The following MLXIP variants were observed in gnomAD, a reference collection of about 807,000 sequenced individuals.
MLXIP encodes MLX-interacting protein.
Under a neutral mutation model 87.2 loss-of-function variants are expected in MLXIP, and 30 were observed. That is an observed-to-expected ratio of 0.34 (90% CI 0.26 to 0.47). The LOEUF is 0.47. MLXIP is among the 20% of genes least tolerant of loss of function. The pLI, the probability that MLXIP is intolerant of heterozygous loss-of-function variation, is 1.00. For missense variants in MLXIP, 1,002 were observed against 1,240.1 expected (o/e 0.81, Z 2.88); for synonymous variants, 530 against 514.0 (o/e 1.03, Z -0.42).
intron 1 of MLXIP, among the ~76,000 whole-genome samples, chr12:122,126,285 T>A (rs1952879840): frequency 6.6e-6 from 1 of 152,164 alleles, no homozygotes; most frequent in Non-Finnish European, 1.5e-5. Flanking sequence ...CCAAACGTCC[T>A]CCCTAGAGGA....
rs147189022 is a variant in MLXIP, at chr12:122,138,541, G to A, written c.2374G>A (p.Ala792Thr). 29 of 1,611,922 alleles carry A rather than the reference G, an allele frequency of 1.8e-5. No individual in the cohort carries two copies. The highest frequency in any genetic ancestry group is 1.7e-4 in the Middle Eastern group (1 of 5,730). Residue 792 changes from alanine to threonine, a missense_variant, in exon 14 of 17, where the codon GCC becomes ACC. Physicochemically the swap from Ala to Thr is moderately conservative, Grantham distance 58. This residue lies in a region of MLXIP where 746 missense variants were observed against 897.0 expected (regional missense o/e 0.83). Coordinates refer to ENST00000319080, the MANE Select transcript of MLXIP (RefSeq NM_014938.6). ...GCGGGAGGAGATCGAGGAGCTCAAT[G>A]CCACCATCATGTGAGCTTCTGGGCC... Reference protein sequence around the residue: ...RLREEIEELNATIISCQQLLP... With the variant: ...RLREEIEELNTTIISCQQLLP...
chr12:122,130,100 C>G lies in MLXIP; in HGVS notation c.898C>G (p.Pro300Ala), dbSNP rs778814598. The change falls in exon 6 of 17, where the codon CCC becomes GCC. Residue 300 changes from proline to alanine, a missense_variant. Coordinates refer to ENST00000319080, the MANE Select transcript of MLXIP (RefSeq NM_014938.6). Reference protein sequence around the residue: ...SSHQPVAWPNPREIAHLGNAD... With the variant: ...SSHQPVAWPNAREIAHLGNAD... ...ACACCAGCCGGTGGCCTGGCCCAAT[C>G]CCCGGGAAATAGGTAACCCAAACCA... 33 of 1,613,434 alleles carry G rather than the reference C, an allele frequency of 2.0e-5. No individual in the cohort carries two copies. Among genetic ancestry groups the G allele is most frequent in the Non-Finnish European group, 5.9e-6 (7 of 1,179,704 alleles).
chr12:122,139,932 C>T (rs1009679125), intron 15 of MLXIP, among the ~76,000 whole-genome samples: 1 of 152,200 alleles, frequency 6.6e-6, no homozygotes, highest in Non-Finnish European at 1.5e-5. Context: ...CCTTGGCCTC[C>T]CAAAGTGCTG....
chr12:122,134,205 G>GA (rs1953039842), intron 9 of MLXIP: 1 of 470,026 alleles, frequency 2.1e-6, no homozygotes, highest in South Asian at 3.6e-5. Flanking sequence ...TTTTTGTTTG[G>GA]TTTTTTTTTT....
rs1952666951 is a variant in MLXIP, at chr12:122,114,981, A to T, written c.414-12275A>T. Among the ~76,000 whole-genome samples the T allele has an allele frequency of 2.0e-5, 3 of 151,726 alleles. No individual in the cohort carries two copies. In the South Asian group the frequency reaches 6.3e-4, roughly 32 times the overall value. On this transcript the variant is annotated intron_variant, in intron 1 of 16. Transcript: ENST00000319080. ...AGGCTGGTCTTGAACTCCTGACCTCAAATGATCCACCTGCCTCAGCCTCCC... is the reference window on the plus strand; with the variant it reads ...AGGCTGGTCTTGAACTCCTGACCTCTAATGATCCACCTGCCTCAGCCTCCC...
chr12:122,090,559 C>G (rs750886679), intron 1 of MLXIP, among the ~76,000 whole-genome samples: 1 of 151,578 alleles, frequency 6.6e-6, no homozygotes, highest in Non-Finnish European at 1.5e-5. Flanking sequence ...GGAGAAATGG[C>G]TTAGTAGTTA....
At chr12:122,129,321 G>A (rs991484701) in intron 4 of MLXIP, 95 bp downstream of exon 4, 43 of 1,153,310 alleles carry the variant, frequency 3.7e-5, no homozygotes, top group Non-Finnish European at 5.1e-5. Flanking sequence ...CTCCACAGCC[G>A]CCCCACCTGA....
chr12:122,116,650 C>T (rs1593090886), intron 1 of MLXIP, among the ~76,000 whole-genome samples: 1 of 152,196 alleles, frequency 6.6e-6, no homozygotes, highest in African/African-American at 2.4e-5. Context: ...CCTGAAAGTC[C>T]ACTTATGGCT....
intron 1 of MLXIP, among the ~76,000 whole-genome samples, chr12:122,106,985 T>C (rs1593079412): frequency 6.6e-6 from 1 of 152,132 alleles, no homozygotes; most frequent in Non-Finnish European, 1.5e-5. Context: ...AGCTTCCGGG[T>C]GCAGGACTCC....
At chr12:122,138,590 A>AC (rs773333064) in intron 14 of MLXIP, 39 bp downstream of exon 14, 1 of 1,585,816 alleles carries the variant, frequency 6.3e-7, no homozygotes, top group South Asian at 1.1e-5. Context: ...CAGGCACCCC[A>AC]TCCCGATGCA....
intron 1 of MLXIP, among the ~76,000 whole-genome samples, 163 bp downstream of exon 1, chr12:122,079,429 A>G (rs767739225): frequency 4.6e-5 from 7 of 152,168 alleles, no homozygotes; most frequent in Non-Finnish European, 1.0e-4. Context: ...GCGTTGCCAG[A>G]GGAGCCGGGG....
At chr12:122,110,470 A>G (rs1370888086) in intron 1 of MLXIP, among the ~76,000 whole-genome samples, 1 of 151,892 alleles carries the variant, frequency 6.6e-6, no homozygotes, top group East Asian at 2.0e-4. Flanking sequence ...TATTTTTAGT[A>G]GAGACAGGGT....
intron 1 of MLXIP, among the ~76,000 whole-genome samples, chr12:122,096,539 G>A (rs1565961606): frequency 6.6e-6 from 1 of 152,182 alleles, no homozygotes; most frequent in Non-Finnish European, 1.5e-5. Flanking sequence ...TTGTCCCACT[G>A]TCCCACCCTC....
intron 1 of MLXIP, among the ~76,000 whole-genome samples, chr12:122,082,729 G>A (rs112948131): frequency 0.019 from 2,939 of 152,310 alleles, 43 homozygotes; most frequent in Non-Finnish European, 0.033. Flanking sequence ...TGCTTTCTGA[G>A]GCTCTACAAT....
In MLXIP at chr12:122,138,203, A is replaced by G; in HGVS notation, c.2164A>G (p.Met722Val). 6.2e-7 allele frequency: 1 copy of G among 1,603,974 alleles called. No individual in the cohort carries two copies. Residue 722 changes from methionine to valine, a missense_variant, in exon 13 of 17, where the codon ATG becomes GTG. Met to Val is a conservative substitution (Grantham distance 21). This residue lies in a region of MLXIP where 746 missense variants were observed against 897.0 expected (regional missense o/e 0.83). Coordinates refer to ENST00000319080, the MANE Select transcript of MLXIP (RefSeq NM_014938.6). ...KNVAALKNRQMKHISAEQKRR... is the reference protein window; with the variant it reads ...KNVAALKNRQVKHISAEQKRR... Reference sequence around the variant, plus strand: ...GCGGGTTCTCCAGCAGAACCGGCAGATGAAGCACATCTCAGCTGAGCAGAA... The same window carrying G: ...GCGGGTTCTCCAGCAGAACCGGCAGGTGAAGCACATCTCAGCTGAGCAGAA...
Position 122,133,054 on chromosome 12 carries a change from G to T in MLXIP, c.1093-294G>T, listed in dbSNP as rs1464611022. The T allele has an allele frequency of 3.4e-5, 12 of 348,208 alleles. No homozygotes were observed. In the East Asian group the frequency reaches 5.4e-4, roughly 16 times the overall value. The allele number at this position is 348,208 out of a possible 1,614,324, so 21.6% of individuals were successfully genotyped here. ...GTAATAGAAGATGGCAGAGACTTTG[G>T]GGAGACTCTGCTGGACTCCAGAAAC... On this transcript the variant is annotated intron_variant, in intron 8 of 16. Coordinates refer to ENST00000319080, the MANE Select transcript of MLXIP (RefSeq NM_014938.6). The surrounding 1 kb of genome is among the most constrained non-coding windows in gnomAD (Gnocchi z 4.9).
At chr12:122,085,022 A>C (rs1049055305) in intron 1 of MLXIP, among the ~76,000 whole-genome samples, 4 of 152,086 alleles carry the variant, frequency 2.6e-5, no homozygotes, top group African/African-American at 9.7e-5. Context: ...TCTTGAGGAG[A>C]AAAGTGACCT....
At chr12:122,129,734 T>G (rs1414275340) in intron 5 of MLXIP, 105 bp downstream of exon 5, 1 of 1,435,516 alleles carries the variant, frequency 7.0e-7, no homozygotes, top group Admixed American at 1.9e-5. Flanking sequence ...CCATGGGCCC[T>G]CCCTGGAGTC....
chr12:122,099,089 T>C (rs1400117381), intron 1 of MLXIP, among the ~76,000 whole-genome samples: 1 of 152,166 alleles, frequency 6.6e-6, no homozygotes. Flanking sequence ...TTTAAAAAAT[T>C]AGCCAGTCAT....
Sources: allele counts gnomAD v4.1 joint callset (sites outside exome capture counted in the v4.1 genomes callset), GRCh38; gene constraint gnomAD v4.1.1; regional missense constraint gnomAD v4.1.1; non-coding constraint Gnocchi (gnomAD v3.1); transcripts MANE v1.5; gene names NCBI Gene and HGNC (gene_info 2026-07-23, HGNC 2026-07-21).